FOXP1: variants seen among roughly 807,000 people sequenced by gnomAD.
FOXP1 encodes forkhead box protein P1.
Under a neutral mutation model 98.2 loss-of-function variants are expected in FOXP1, and 15 were observed. The ratio of observed to expected loss-of-function variants is 0.15; its 90% confidence interval spans 0.10 to 0.24. FOXP1 has a LOEUF of 0.24. FOXP1 is among the 10% of genes least tolerant of loss of function. The pLI, the probability that FOXP1 is intolerant of heterozygous loss-of-function variation, is 1.00. For synonymous variants in FOXP1, 371 were observed against 314.5 expected (o/e 1.18, Z -1.90); for missense variants, 633 against 848.5 (o/e 0.75, Z 3.15).
chr3:71,074,254 A>G (rs1458748081), intron 7 of FOXP1, among the ~76,000 whole-genome samples: 1 of 152,080 alleles, frequency 6.6e-6, no homozygotes, highest in African/African-American at 2.4e-5. Flanking sequence ...TTGAAATGGA[A>G]TCTTGCTCTC....
intron 5 of FOXP1, among the ~76,000 whole-genome samples, chr3:71,285,646 AAAT>A (rs2072037932): frequency 6.6e-6 from 1 of 152,236 alleles, no homozygotes; most frequent in South Asian, 2.1e-4. Context: ...ATGTACATAA[AAAT>A]AATACACCTT....
chr3:71,177,840 C>CTTTTTTTT (rs397704711), intron 6 of FOXP1, among the ~76,000 whole-genome samples: 48 of 114,924 alleles, frequency 4.2e-4, no homozygotes, highest in South Asian at 8.2e-4. Context: ...TTCTTTCTTT[C>CTTTTTTTT]TTTTTTTTTT....
chr3:71,409,980 A>AT (rs2082619443), intron 3 of FOXP1, among the ~76,000 whole-genome samples: 1 of 152,102 alleles, frequency 6.6e-6, no homozygotes. Flanking sequence ...ACACCACTGC[A>AT]CTCCAGCCTG....
intron 5 of FOXP1, among the ~76,000 whole-genome samples, chr3:71,283,416 C>T (rs2071775415): frequency 6.6e-6 from 1 of 152,124 alleles, no homozygotes; most frequent in Non-Finnish European, 1.5e-5. Flanking sequence ...CTTCTGGAAC[C>T]ATGGGGCCAG....
At chr3:71,466,751 T>A (rs980757107) in intron 3 of FOXP1, among the ~76,000 whole-genome samples, 3 of 152,162 alleles carry the variant, frequency 2.0e-5, no homozygotes, top group Non-Finnish European at 4.4e-5. Flanking sequence ...TATCCGACCA[T>A]CGGGAAGGTC....
At chr3:71,518,405 T>C (rs1440738206) in intron 2 of FOXP1, among the ~76,000 whole-genome samples, 2 of 152,178 alleles carry the variant, frequency 1.3e-5, no homozygotes, top group African/African-American at 4.8e-5. Context: ...TAAAAGAATA[T>C]ATAGAAAGCA....
chr3:71,507,224 C>G (rs2041889798), intron 2 of FOXP1, among the ~76,000 whole-genome samples: 1 of 152,162 alleles, frequency 6.6e-6, no homozygotes, highest in Admixed American at 6.5e-5. Context: ...CTCTCATGCA[C>G]AGCCAGGGCC....
chr3:71,171,708 T>A (rs2061662256), intron 6 of FOXP1, among the ~76,000 whole-genome samples: 1 of 152,248 alleles, frequency 6.6e-6, no homozygotes, highest in African/African-American at 2.4e-5. Context: ...AATTTCAGGG[T>A]TTCTTTCAGA....
At chr3:71,137,237 C>G (rs1394957258) in intron 6 of FOXP1, among the ~76,000 whole-genome samples, 1 of 152,188 alleles carries the variant, frequency 6.6e-6, no homozygotes, top group Non-Finnish European at 1.5e-5. Flanking sequence ...AATAACTGCT[C>G]TATTTTCCAA....
At chr3:71,097,245 A>G (rs928895125) in intron 7 of FOXP1, among the ~76,000 whole-genome samples, 6 of 152,244 alleles carry the variant, frequency 3.9e-5, no homozygotes, top group African/African-American at 1.4e-4. Context: ...GAAAAACAAA[A>G]GAAGAATGTT....
intron 3 of FOXP1, among the ~76,000 whole-genome samples, chr3:71,364,194 C>A (rs1206997542): frequency 2.0e-5 from 3 of 152,210 alleles, no homozygotes; most frequent in Admixed American, 2.0e-4. Flanking sequence ...TGGACCTTTC[C>A]AATTTCTCCC....
chr3:71,279,990 A>G (rs1217487121), intron 5 of FOXP1, among the ~76,000 whole-genome samples: 1 of 151,586 alleles, frequency 6.6e-6, no homozygotes, highest in Non-Finnish European at 1.5e-5. Context: ...GGGCGTGGTG[A>G]TGGGCGCCTG....
At chr3:71,467,799 G>C (rs958271802) in intron 3 of FOXP1, among the ~76,000 whole-genome samples, 1 of 152,156 alleles carries the variant, frequency 6.6e-6, no homozygotes, top group African/African-American at 2.4e-5. Context: ...CTCCCTCTTT[G>C]AGTTTCTGAT....
At chr3:71,275,415 AC>A (rs1182214860) in intron 5 of FOXP1, among the ~76,000 whole-genome samples, 4 of 152,224 alleles carry the variant, frequency 2.6e-5, no homozygotes, top group Non-Finnish European at 5.9e-5. Flanking sequence ...CCTAGAAGTA[AC>A]AGTCGCTTTT....
intron 6 of FOXP1, among the ~76,000 whole-genome samples, chr3:71,152,448 G>A (rs987091346): frequency 9.9e-5 from 15 of 152,252 alleles, no homozygotes; most frequent in African/African-American, 3.1e-4. Flanking sequence ...AATTTATTAC[G>A]CAGCAATGGA....
intron 6 of FOXP1, chr3:71,130,958 T>A: frequency 8.3e-7 from 1 of 1,209,390 alleles, no homozygotes; most frequent in Non-Finnish European, 1.0e-6. Flanking sequence ...ACACAGCTCA[T>A]TCACGCAGAC....
At chr3:71,574,107 G>A (rs1352515032) in intron 2 of FOXP1, 11 of 151,938 alleles carry the variant, frequency 7.2e-5, no homozygotes, top group Non-Finnish European at 1.6e-4. Flanking sequence ...GCCCATAAGA[G>A]TTTTTTTTAA....
At chr3:71,412,843 T>C (rs955812562) in intron 3 of FOXP1, among the ~76,000 whole-genome samples, 2 of 152,136 alleles carry the variant, frequency 1.3e-5, no homozygotes, top group Admixed American at 1.3e-4. Flanking sequence ...CAAGGGAGAA[T>C]AAACACATTT....
Position 71,112,592 on chromosome 3 carries a change from G to C in FOXP1, c.226C>G (p.Gln76Glu), listed in dbSNP as rs150833149. The change falls in exon 7 of 21, where the codon CAG (glutamine) becomes GAG (glutamate). Residue 76 changes from glutamine to glutamate, a missense_variant. Coordinates refer to ENST00000649528, the MANE Select transcript of FOXP1 (RefSeq NM_001349338.3). Reference protein sequence around the residue: ...RQLLLQQQQQQQVSGLKSPKR... With the variant: ...RQLLLQQQQQEQVSGLKSPKR... ...GGAGATTTTAATCCACTAACTTGCT[G>C]CTGCTGTTGCTGCTGAAGAAGGAGC... is the stretch of plus-strand genomic sequence containing the variant. The C allele has an allele frequency of 1.9e-6, 3 of 1,613,982 alleles. No homozygotes were observed. Among genetic ancestry groups the C allele is most frequent in the African/African-American group, 2.7e-5 (2 of 74,930 alleles).
Sources: gnomAD v4.1 joint callset for allele counts (sites outside exome capture counted in the v4.1 genomes callset) on GRCh38, gnomAD v4.1.1 for gene constraint, MANE v1.5 for transcripts, NCBI Gene and HGNC (gene_info 2026-07-23, HGNC 2026-07-21) for gene names.